Variants in EXOC6 observed in about 807,000 individuals in gnomAD.
EXOC6 encodes the protein exocyst complex component 6.
In EXOC6, 60 loss-of-function variants were observed where a neutral mutation model predicts 112.5. That is an observed-to-expected ratio of 0.53 (90% CI 0.43 to 0.66). EXOC6 has a LOEUF of 0.66. Ranked by LOEUF, EXOC6 falls within the 30% of genes least tolerant of loss-of-function variation. The probability of loss-of-function intolerance (pLI) is 0.00; values close to 1 mark genes in which losing one functional copy is unlikely to be tolerated. For missense variants in EXOC6, 855 were observed against 957.1 expected (o/e 0.89, Z 1.41); for synonymous variants, 295 against 308.0 (o/e 0.96, Z 0.44).
intron 1 of EXOC6, among the ~76,000 whole-genome samples, chr10:92,860,833 A>G (rs1310349145): frequency 6.6e-6 from 1 of 152,074 alleles, no homozygotes; most frequent in Non-Finnish European, 1.5e-5. Context: ...TGTATATATT[A>G]CATTTTGTTT....
intron 1 of EXOC6, among the ~76,000 whole-genome samples, chr10:92,864,551 TC>T (rs1474984031): frequency 4.6e-5 from 7 of 152,218 alleles, no homozygotes; most frequent in African/African-American, 1.7e-4. Context: ...TTCTGGGTGT[TC>T]CAGTGAGGGT....
chr10:93,040,475 C>T (rs971312595), intron 20 of EXOC6, among the ~76,000 whole-genome samples: 2 of 152,194 alleles, frequency 1.3e-5, no homozygotes, highest in Non-Finnish European at 2.9e-5. Flanking sequence ...TCTTGATCTC[C>T]TGACCTCGTG....
intron 8 of EXOC6, among the ~76,000 whole-genome samples, chr10:92,921,549 A>T (rs6583849): frequency 6.6e-6 from 1 of 151,350 alleles, no homozygotes; most frequent in East Asian, 1.9e-4. Flanking sequence ...AGCCCAGCCT[A>T]TTTTCTTAGT....
intron 19 of EXOC6, among the ~76,000 whole-genome samples, chr10:93,013,343 C>T (rs1844344204): frequency 6.6e-6 from 1 of 151,926 alleles, no homozygotes; most frequent in Non-Finnish European, 1.5e-5. Flanking sequence ...TGGTGGCTCA[C>T]ACCTGTAATC....
intron 20 of EXOC6, among the ~76,000 whole-genome samples, chr10:93,038,936 T>C (rs1845641592): frequency 6.6e-6 from 1 of 152,164 alleles, no homozygotes; most frequent in Non-Finnish European, 1.5e-5. Context: ...CTAATTTAGA[T>C]GGTGCAGAGA....
chr10:92,952,327 C>G lies in EXOC6; in HGVS notation c.1471C>G (p.Gln491Glu). The change falls in exon 15 of 22, where the codon CAA (glutamine) becomes GAA (glutamate). Residue 491 changes from glutamine to glutamate, a missense_variant. Gln to Glu is a conservative substitution (Grantham distance 29). This residue lies in a region of EXOC6 where 450 missense variants were observed against 563.5 expected (regional missense o/e 0.80). Coordinates refer to ENST00000260762, the MANE Select transcript of EXOC6 (RefSeq NM_019053.6). ...TCAGTCAGTGCCTCATATTTACATT[C>G]AAGTTAAAGAATTTATTTATGCCAG... Reference protein sequence around the residue: ...MSQSVPHIYIQVKEFIYASLK... With the variant: ...MSQSVPHIYIEVKEFIYASLK... 6.2e-7 allele frequency: 1 copy of G among 1,612,946 alleles called. No homozygotes were observed. The highest frequency in any genetic ancestry group is 8.5e-7 in the Non-Finnish European group (1 of 1,179,282).
At chr10:92,831,333 G>A (rs925082504), upstream of EXOC6, 9 of 1,288,946 alleles carry the variant, frequency 7.0e-6, no homozygotes, top group Non-Finnish European at 9.1e-6. Flanking sequence ...GTGCTGTGTA[G>A]GAGGAGCGGG....
intron 19 of EXOC6, among the ~76,000 whole-genome samples, chr10:93,007,136 C>T (rs1488071834): frequency 1.3e-5 from 2 of 152,132 alleles, no homozygotes; most frequent in Non-Finnish European, 2.9e-5. Flanking sequence ...GTTTAATTCC[C>T]TCTGAGTTTA....
intron 1 of EXOC6, among the ~76,000 whole-genome samples, chr10:92,863,715 A>G (rs763144449): frequency 6.6e-6 from 1 of 152,086 alleles, no homozygotes; most frequent in African/African-American, 2.4e-5. Context: ...GATCGAGACC[A>G]TCCTGGCTAA....
intron 8 of EXOC6, among the ~76,000 whole-genome samples, chr10:92,924,649 T>G (rs986495800): frequency 2.0e-5 from 3 of 152,240 alleles, no homozygotes; most frequent in Admixed American, 6.5e-5. Flanking sequence ...ATTGTTTGAT[T>G]TATTGATTAA....
At chr10:93,028,449 T>C (rs1250329472) in intron 20 of EXOC6, among the ~76,000 whole-genome samples, 2 of 152,040 alleles carry the variant, frequency 1.3e-5, no homozygotes, top group Non-Finnish European at 2.9e-5. Flanking sequence ...CATGATAAAA[T>C]TTGAATGGAT....
chr10:92,919,523 TAGC>T (rs1238446085), intron 7 of EXOC6, among the ~76,000 whole-genome samples: 4 of 152,180 alleles, frequency 2.6e-5, no homozygotes, highest in African/African-American at 9.6e-5. Flanking sequence ...TTTTCTTTCT[TAGC>T]AGTCTGTAAA....
upstream of EXOC6, chr10:92,831,340 C>A (rs143738722): frequency 2.8e-3 from 3,644 of 1,288,548 alleles, 38 homozygotes; most frequent in Non-Finnish European, 2.4e-3. Context: ...GTAGGAGGAG[C>A]GGGGTCATGC....
At chr10:92,851,870 A>G (rs549776400) in intron 1 of EXOC6, among the ~76,000 whole-genome samples, 2 of 152,286 alleles carry the variant, frequency 1.3e-5, no homozygotes, top group East Asian at 3.9e-4. Flanking sequence ...CAGGCATACA[A>G]GACCAGCCTG....
intron 1 of EXOC6, 87 bp downstream of exon 1, chr10:92,848,721 G>GGGGCGTCCGC: frequency 9.3e-7 from 1 of 1,079,548 alleles, no homozygotes; most frequent in Non-Finnish European, 1.2e-6. Context: ...GCCGCCGGCC[G>GGGGCGTCCGC]CGCGCGAAGC....
chr10:92,953,371 G>T lies in EXOC6; in HGVS notation c.1526+989G>T, dbSNP rs368784728. Among the ~76,000 whole-genome samples the T allele has an allele frequency of 4.8e-4, 73 of 152,216 alleles. 2 individuals are homozygous for T. The South Asian group carries it at 0.015, about 31-fold the overall frequency. Reference sequence around the variant, plus strand: ...TGAGATTACAGGCACAATCCACTGCGCCTGGCCCACAGATTTTTAAAAGTA... The same window carrying T: ...TGAGATTACAGGCACAATCCACTGCTCCTGGCCCACAGATTTTTAAAAGTA... On this transcript the variant is annotated intron_variant, in intron 15 of 21. Transcript: ENST00000260762.
At chr10:92,862,841 A>G (rs1847974174) in intron 1 of EXOC6, among the ~76,000 whole-genome samples, 1 of 152,198 alleles carries the variant, frequency 6.6e-6, no homozygotes, top group Admixed American at 6.5e-5. Flanking sequence ...ATTCATGTAC[A>G]AGTTTTGGTT....
chr10:92,915,733 C>A, intron 6 of EXOC6, 25 bp from the exon 7 acceptor site: 2 of 1,476,354 alleles, frequency 1.4e-6, no homozygotes, highest in East Asian at 5.3e-5. Flanking sequence ...TTGAAATAAT[C>A]TGAATTTCTC....
intron 1 of EXOC6, among the ~76,000 whole-genome samples, chr10:92,837,619 T>A (rs1846703815): frequency 6.6e-6 from 1 of 152,184 alleles, no homozygotes; most frequent in Admixed American, 6.5e-5. Flanking sequence ...GCTGTGATCA[T>A]GCCACTGCAC....
Sources: allele counts gnomAD v4.1 joint callset (sites outside exome capture counted in the v4.1 genomes callset), GRCh38; gene constraint gnomAD v4.1.1; regional missense constraint gnomAD v4.1.1; transcripts MANE v1.5; gene names NCBI Gene and HGNC (gene_info 2026-07-23, HGNC 2026-07-21).